Variants in MCMBP observed in about 807,000 individuals in gnomAD.
MCMBP encodes the protein mini-chromosome maintenance complex-binding protein.
MCMBP carries 31 observed loss-of-function variants against 81.3 expected under a neutral mutation model. The observed-to-expected ratio is 0.38, with a 90% CI of 0.29 to 0.51. The LOEUF is 0.51. Ranked by LOEUF, MCMBP falls within the 20% of genes least tolerant of loss-of-function variation. MCMBP has a pLI of 0.87. For synonymous variants in MCMBP, 267 were observed against 275.9 expected (o/e 0.97, Z 0.32); for missense variants, 645 against 772.1 (o/e 0.84, Z 1.95).
At chr10:119,860,161 T>C (rs1458251152) in intron 1 of MCMBP, among the ~76,000 whole-genome samples, 1 of 152,210 alleles carries the variant, frequency 6.6e-6, no homozygotes, top group Non-Finnish European at 1.5e-5. Flanking sequence ...ACAGTGTAGC[T>C]GGGGACACCT....
At chr10:119,838,404 T>G in intron 12 of MCMBP, 131 bp downstream of exon 12, 1 of 813,556 alleles carries the variant, frequency 1.2e-6, no homozygotes, top group East Asian at 2.7e-5. Context: ...TTAATCAAAT[T>G]CATATGCCAA....
intron 1 of MCMBP, among the ~76,000 whole-genome samples, chr10:119,862,084 A>G (rs1311988561): frequency 6.6e-6 from 1 of 152,202 alleles, no homozygotes; most frequent in East Asian, 1.9e-4. Context: ...AGGCAGGCGG[A>G]TCACCTGAGG....
chr10:119,854,980 A>T (rs1300623716), intron 5 of MCMBP, among the ~76,000 whole-genome samples: 1 of 151,890 alleles, frequency 6.6e-6, no homozygotes, highest in Non-Finnish European at 1.5e-5. Context: ...AAATAAAATA[A>T]AATCATAATC....
intron 6 of MCMBP, among the ~76,000 whole-genome samples, chr10:119,850,874 G>GTTTTTTTTTTTTTTTTTTTTTTTT (rs1284100421): frequency 1.1e-4 from 15 of 130,534 alleles, no homozygotes; most frequent in Middle Eastern, 3.9e-3. Flanking sequence ...TACAAGATCT[G>GTTTTTTTTTTTTTTTTTTTTTTTT]TTTTTTTTTT....
At chr10:119,854,232 G>C (rs1852939512) in intron 5 of MCMBP, among the ~76,000 whole-genome samples, 1 of 151,792 alleles carries the variant, frequency 6.6e-6, no homozygotes, top group African/African-American at 2.4e-5. Flanking sequence ...TGTAGAGACA[G>C]AGTATTGCCA....
rs901565104 is a variant in MCMBP at position 119,830,720 on chromosome 10, C to T, written c.*754G>A. ...TTCCGTTTAAAGGACTCCTCTTATTCAGAGATAGATTGTCCTTTCCTTTTA... is the reference window on the plus strand; with the variant it reads ...TTCCGTTTAAAGGACTCCTCTTATTTAGAGATAGATTGTCCTTTCCTTTTA... On this transcript the variant is annotated 3_prime_UTR_variant, in exon 16 of 16. Coordinates refer to ENST00000369077, the MANE Select transcript of MCMBP (RefSeq NM_001256378.2). 1.3e-5 allele frequency: 2 copies of T among 151,630 alleles called. No individual in the cohort carries two copies. The highest frequency in any genetic ancestry group is 4.9e-5 in the African/African-American group (2 of 41,026). The allele number at this position is 151,630 out of a possible 1,614,324, so 9.4% of individuals were successfully genotyped here. A position where few individuals can be genotyped will look rare whatever the true frequency, so the allele number is the denominator to read the frequency against.
At chr10:119,837,315 G>A (rs1288252355) in intron 12 of MCMBP, among the ~76,000 whole-genome samples, 2 of 152,066 alleles carry the variant, frequency 1.3e-5, no homozygotes, top group Non-Finnish European at 2.9e-5. Context: ...TCTAAGTGGT[G>A]TATTTACAGG....
rs894231735 is a variant in MCMBP, at chr10:119,872,665, C to T, written c.-81G>A. The T allele has an allele frequency of 4.3e-5, 32 of 736,886 alleles. No individual in the cohort carries two copies. The highest frequency in any genetic ancestry group is 5.1e-5 in the Non-Finnish European group (29 of 568,846). 45.6% of individuals were successfully genotyped at this position (736,886 alleles called of 1,614,324 possible). A position where few individuals can be genotyped will look rare whatever the true frequency, so the allele number is the denominator to read the frequency against. On this transcript the variant is annotated 5_prime_UTR_variant, in exon 1 of 16. Coordinates refer to ENST00000369077, the MANE Select transcript of MCMBP (RefSeq NM_001256378.2). The stretch of plus-strand genomic sequence containing the variant: ...GCGGCCGGGCGGCCGGCGCCCAGCT[C>T]CTCTTCAGCGGCTCGGCCGCTCCTC...
In MCMBP at chr10:119,857,373, C is replaced by T; in HGVS notation, c.394G>A (p.Val132Ile). 2 of 1,610,864 alleles carry T rather than the reference C, an allele frequency of 1.2e-6. No individual in the cohort carries two copies. Among genetic ancestry groups the T allele is most frequent in the Non-Finnish European group, 1.7e-6 (2 of 1,177,752 alleles). ...CACGTAGATTCCCCAGGCACCGGAACACAATAGAAAGTCTGTCTTTCCAAA... is the reference window on the plus strand; with the variant it reads ...CACGTAGATTCCCCAGGCACCGGAATACAATAGAAAGTCTGTCTTTCCAAA... The part of the protein sequence containing the change: ...TTLERQTFYC[V>I]PVPGESTWVK... Residue 132 changes from valine to isoleucine, a missense_variant, in exon 5 of 16, where the codon GTT becomes ATT. Coordinates refer to ENST00000369077, the MANE Select transcript of MCMBP (RefSeq NM_001256378.2).
Position 119,862,312 on chromosome 10 carries a change from CA to C in MCMBP, c.59-2429del, listed in dbSNP as rs1275026117. Among the ~76,000 whole-genome samples the C allele has an allele frequency of 3.9e-5, 6 of 152,100 alleles. No individual in the cohort carries two copies. In the East Asian group the frequency reaches 1.2e-3, roughly 29 times the overall value. ...ACTAGAGTGAATCTTCGTCCCCCCC[CA>C]CACCACCTCCTCCACCACGCAAAAA... On this transcript the variant is annotated intron_variant, in intron 1 of 15. Transcript: ENST00000369077.
chr10:119,839,533 TG>T (rs1326230958), intron 11 of MCMBP, among the ~76,000 whole-genome samples: 4 of 152,218 alleles, frequency 2.6e-5, no homozygotes, highest in Non-Finnish European at 4.4e-5. Flanking sequence ...ATTTATTTGT[TG>T]GTCTTCTACC....
chr10:119,838,574 C>T lies in MCMBP; in HGVS notation c.1369G>A (p.Asp457Asn), dbSNP rs760954436. ...TGCCCCTGTTCCAGGAGAGTCTCAT[C>T]GATTACAAGGGAAGTATTGCTGGGC... is the stretch of plus-strand genomic sequence containing the variant. Reference protein sequence around the residue: ...QLPSNTSLVIDETLLEQGQLD... With the variant: ...QLPSNTSLVINETLLEQGQLD... The change falls in exon 12 of 16, where the codon GAT (aspartate) becomes AAT (asparagine). Residue 457 changes from aspartate (D) to asparagine (N), a missense_variant. By Grantham distance (23) the Asp-to-Asn change is conservative. Coordinates refer to ENST00000369077, the MANE Select transcript of MCMBP (RefSeq NM_001256378.2). 4.3e-6 allele frequency: 7 copies of T among 1,614,066 alleles called. No homozygotes were observed. The highest frequency in any genetic ancestry group is 5.1e-6 in the Non-Finnish European group (6 of 1,179,992).
At chr10:119,860,057 C>T (rs938130315) in intron 1 of MCMBP, among the ~76,000 whole-genome samples, 173 bp from the exon 2 acceptor site, 18 of 152,098 alleles carry the variant, frequency 1.2e-4, no homozygotes, top group African/African-American at 3.6e-4. Context: ...GTCTGAAGTA[C>T]TGCACAAGAC....
chr10:119,834,658 A>G (rs181133840), intron 14 of MCMBP, among the ~76,000 whole-genome samples: 2 of 152,084 alleles, frequency 1.3e-5, no homozygotes, highest in African/African-American at 4.8e-5. Flanking sequence ...ATCTGCACAC[A>G]CACAAACACA....
At position 119,849,476 on chromosome 10, in the gene MCMBP, A is replaced by T; in HGVS notation, c.675T>A (p.Phe225Leu). 6.2e-7 allele frequency: 1 copy of T among 1,611,360 alleles called. No individual in the cohort carries two copies. The highest frequency in any genetic ancestry group is 1.1e-5 in the South Asian group (1 of 90,520). The change falls in exon 7 of 16, where the codon TTT becomes TTA. Residue 225 changes from phenylalanine (F) to leucine (L), a missense_variant. Coordinates refer to ENST00000369077, the MANE Select transcript of MCMBP (RefSeq NM_001256378.2). The stretch of plus-strand genomic sequence containing the variant: ...CTCCTGGCAATGGAAAATTCAAATC[A>T]AAAGGAGAAGACAAGTTCAGAGAGT... ...QLNSLNLSSP[F>L]DLNFPLPGEK...
intron 1 of MCMBP, among the ~76,000 whole-genome samples, chr10:119,863,760 A>G (rs1853348993): frequency 7.5e-6 from 1 of 132,512 alleles, no homozygotes; most frequent in African/African-American, 2.9e-5. Flanking sequence ...AAAAAAAAAA[A>G]AAAAAAGCAA....
chr10:119,838,489 A>C, intron 12 of MCMBP, 46 bp downstream of exon 12: 1 of 1,563,508 alleles, frequency 6.4e-7, no homozygotes, highest in Middle Eastern at 1.7e-4. Flanking sequence ...ATCTGGCTTT[A>C]GTGCGAAGGA....
At chr10:119,847,777 GA>G in intron 7 of MCMBP, 64 bp from the exon 8 acceptor site, 1 of 892,026 alleles carries the variant, frequency 1.1e-6, no homozygotes, top group Non-Finnish European at 1.8e-6. Flanking sequence ...TATTAGTCTT[GA>G]AGTACCAATA....
chr10:119,843,160 G>A, intron 9 of MCMBP, 94 bp downstream of exon 9: 2 of 1,355,782 alleles, frequency 1.5e-6, no homozygotes, highest in Non-Finnish European at 2.1e-6. Flanking sequence ...ATGAAGACCT[G>A]ACTCTCAATT....
Sources: gnomAD v4.1 joint callset for allele counts (sites outside exome capture counted in the v4.1 genomes callset) on GRCh38, gnomAD v4.1.1 for gene constraint, MANE v1.5 for transcripts, NCBI Gene and HGNC (gene_info 2026-07-23, HGNC 2026-07-21) for gene names.